The following ATP12A variants were observed in gnomAD, a reference collection of about 807,000 sequenced individuals.
The protein encoded by ATP12A is potassium-transporting ATPase alpha chain 2.
In ATP12A, 81 loss-of-function variants were observed where a neutral mutation model predicts 111.2. The observed-to-expected ratio is 0.73, with a 90% CI of 0.61 to 0.88. The LOEUF is 0.88. Among genes scored for constraint, ATP12A ranks in the 40% least tolerant of loss-of-function variants. The pLI is 0.00. For missense variants in ATP12A, 1,196 were observed against 1,313.1 expected (o/e 0.91, Z 1.38); for synonymous variants, 498 against 499.8 (o/e 1.00, Z 0.05).
intron 11 of ATP12A, among the ~76,000 whole-genome samples, chr13:24,698,165 T>C (rs1875244758): frequency 6.6e-6 from 1 of 152,138 alleles, no homozygotes; most frequent in African/African-American, 2.4e-5. Context: ...AAGTGTCCAC[T>C]TCCTCACACC....
chr13:24,690,344 C>T lies in ATP12A; in HGVS notation c.553C>T (p.Leu185Phe). Residue 185 changes from leucine (L) to phenylalanine (F), a missense_variant, in exon 6 of 23, where the codon CTC becomes TTC. Physicochemically the swap from Leu to Phe is conservative, Grantham distance 22 (BLOSUM62 0). Coordinates refer to ENST00000381946, the MANE Select transcript of ATP12A (RefSeq NM_001676.7). Reference protein sequence around the residue: ...SFNKMIPQQALVIRDSEKKTI... With the variant: ...SFNKMIPQQAFVIRDSEKKTI... ...TCATGGTTTTTTTCTGCAGCAAGCTCTCGTCATCCGAGATTCCGAGAAGAA... is the reference window on the plus strand; with the variant it reads ...TCATGGTTTTTTTCTGCAGCAAGCTTTCGTCATCCGAGATTCCGAGAAGAA... The T allele has an allele frequency of 6.2e-7, 1 of 1,612,812 alleles. No individual in the cohort carries two copies. The highest frequency in any genetic ancestry group is 8.5e-7 in the Non-Finnish European group (1 of 1,179,780).
intron 19 of ATP12A, among the ~76,000 whole-genome samples, chr13:24,710,084 C>A (rs1196340161): frequency 2.0e-5 from 3 of 152,170 alleles, no homozygotes; most frequent in Non-Finnish European, 4.4e-5. Flanking sequence ...ACCAGCCCAG[C>A]CACACCCACA....
At chr13:24,706,891 T>C (rs951201145) in intron 15 of ATP12A, 132 bp from the exon 16 acceptor site, 5 of 998,346 alleles carry the variant, frequency 5.0e-6, no homozygotes, top group Non-Finnish European at 7.1e-6. Flanking sequence ...TCTTTTCCCC[T>C]AAATGGGCCT....
chr13:24,692,746 G>A, intron 9 of ATP12A, 41 bp from the exon 10 acceptor site: 5 of 1,608,368 alleles, frequency 3.1e-6, no homozygotes, highest in Non-Finnish European at 3.4e-6. Flanking sequence ...TGGACGGCCA[G>A]CCCAACCCAC....
At chr13:24,705,018 G>GT (rs1465850886) in intron 14 of ATP12A, among the ~76,000 whole-genome samples, 8 of 151,916 alleles carry the variant, frequency 5.3e-5, no homozygotes, top group Non-Finnish European at 1.2e-4. Flanking sequence ...GTTTTGTTTT[G>GT]TTTTTTTGCC....
chr13:24,707,925 C>T (rs1471896278), intron 17 of ATP12A, among the ~76,000 whole-genome samples: 1 of 151,946 alleles, frequency 6.6e-6, no homozygotes, highest in Admixed American at 6.6e-5. Context: ...GCTGGGATTA[C>T]AGGCATGAGT....
intron 17 of ATP12A, among the ~76,000 whole-genome samples, chr13:24,709,153 C>G (rs577634057): frequency 2.0e-4 from 30 of 152,064 alleles, no homozygotes; most frequent in African/African-American, 6.7e-4. Context: ...GAACTGCCAG[C>G]ACAGGGTGAT....
In ATP12A at chr13:24,694,516, G is replaced by A; in HGVS notation, c.1450G>A (p.Glu484Lys). The change falls in exon 11 of 23, where the codon GAA becomes AAA. Residue 484 changes from glutamate (E) to lysine (K), a missense_variant. Physicochemically the swap from Glu to Lys is moderately conservative, Grantham distance 56. Around this residue, in one of 3 missense-constraint regions of ATP12A, gnomAD observed 1,126 missense variants for 1,228.5 expected, o/e 0.92. Transcript: ENST00000381946. ...FSEVILGDVM[E>K]IRKRNRKVAE... The stretch of plus-strand genomic sequence containing the variant: ...AGAGGTCATTTTGGGTGATGTGATG[G>A]AAATTAGAAAAAGAAACCGCAAAGT... 6.2e-7 allele frequency: 1 copy of A among 1,614,120 alleles called. No individual in the cohort carries two copies. The highest frequency in any genetic ancestry group is 2.2e-5 in the East Asian group (1 of 44,888).
In ATP12A at chr13:24,691,131, A is replaced by G. The variant is rs1162296026; in HGVS notation, c.949A>G (p.Ile317Val). ...VHIVAGVAVS[I>V]GILFFIIAVS... Reference sequence around the variant, plus strand: ...CATTGTGGCAGGAGTGGCTGTCTCCATCGGCATCCTTTTCTTCATCATCGC... The same window carrying G: ...CATTGTGGCAGGAGTGGCTGTCTCCGTCGGCATCCTTTTCTTCATCATCGC... The change falls in exon 8 of 23, where the codon ATC becomes GTC. Residue 317 changes from isoleucine to valine, a missense_variant. Ile to Val is a conservative substitution (Grantham distance 29). Transcript: ENST00000381946. The G allele has an allele frequency of 6.2e-7, 1 of 1,614,182 alleles. No individual in the cohort carries two copies. The highest frequency in any genetic ancestry group is 1.1e-5 in the South Asian group (1 of 91,080).
At chr13:24,688,259 G>C (rs1874739943) in intron 3 of ATP12A, 60 bp from the exon 4 acceptor site, 1 of 1,532,816 alleles carries the variant, frequency 6.5e-7, no homozygotes, top group Non-Finnish European at 8.8e-7. Context: ...CCCTGAGGGA[G>C]GAGGAATGTC....
rs1196892420 is a variant in ATP12A, at chr13:24,688,369, C to T, written c.279C>T (p.Asn93=). 1 of 1,614,136 alleles carries T rather than the reference C, an allele frequency of 6.2e-7. No individual in the cohort carries two copies. Among genetic ancestry groups the T allele is most frequent in the Middle Eastern group, 1.7e-4 (1 of 6,058 alleles). The change falls in exon 4 of 23, where the codon AAC becomes AAT. Residue 93 remains asparagine (N), a synonymous_variant. Coordinates refer to ENST00000381946, the MANE Select transcript of ATP12A (RefSeq NM_001676.7). Reference sequence around the variant, plus strand: ...AGCTCCTGGCCCGGGATGGGCCCAACTCCCTCACCCCTCCCAAGCAGACGC... The same window carrying T: ...AGCTCCTGGCCCGGGATGGGCCCAATTCCCTCACCCCTCCCAAGCAGACGC... The part of the protein sequence containing the change: ...AAELLARDGP[N]SLTPPKQTPE...
In ATP12A at chr13:24,695,572, G is replaced by A. The variant is rs553792865; in HGVS notation, c.1512+994G>A. 2.8e-4 allele frequency among the ~76,000 whole-genome samples: 42 copies of A among 150,086 alleles called. No homozygotes were observed. In the East Asian group the frequency reaches 7.0e-3, roughly 25 times the overall value. On this transcript the variant is annotated intron_variant, in intron 11 of 22. Coordinates refer to ENST00000381946, the MANE Select transcript of ATP12A (RefSeq NM_001676.7). The stretch of plus-strand genomic sequence containing the variant: ...GGTGATTATCCACCTGTCTTAGTTC[G>A]GATGGAATTTAGGGTTAGGGAAGAA...
At position 24,688,539 on chromosome 13, in the gene ATP12A, T is replaced by C; in HGVS notation, c.432+17T>C. Reference sequence around the variant, plus strand: ...CTGAACAACGTAAGGCTCTGGGGTGTCCCCTCCTGGTTTTGCTGGCAGAGC... The same window carrying C: ...CTGAACAACGTAAGGCTCTGGGGTGCCCCCTCCTGGTTTTGCTGGCAGAGC... On this transcript the variant is annotated intron_variant, in intron 4 of 22. Transcript: ENST00000381946. The C allele has an allele frequency of 1.3e-6, 2 of 1,498,922 alleles. No individual in the cohort carries two copies. The highest frequency in any genetic ancestry group is 1.8e-6 in the Non-Finnish European group (2 of 1,119,096). 92.9% of individuals were successfully genotyped at this position (1,498,922 alleles called of 1,614,324 possible).
chr13:24,680,740 C>T lies in ATP12A; in HGVS notation c.-4C>T. The T allele has an allele frequency of 6.7e-7, 1 of 1,503,526 alleles. No individual in the cohort carries two copies. The highest frequency in any genetic ancestry group is 1.2e-5 in the South Asian group (1 of 80,998). 93.1% of individuals were successfully genotyped at this position (1,503,526 alleles called of 1,614,324 possible). A position where few individuals can be genotyped will look rare whatever the true frequency, so the allele number is the denominator to read the frequency against. On this transcript the variant is annotated 5_prime_UTR_variant, in exon 1 of 23. Coordinates refer to ENST00000381946, the MANE Select transcript of ATP12A (RefSeq NM_001676.7). Reference sequence around the variant, plus strand: ...CCCGCAGCCCGCGGCGCCACCAGCCCAGCATGCACCAGGTGCGTGCAGCCC... The same window carrying T: ...CCCGCAGCCCGCGGCGCCACCAGCCTAGCATGCACCAGGTGCGTGCAGCCC...
At chr13:24,693,565 A>T (rs1404425659) in intron 10 of ATP12A, among the ~76,000 whole-genome samples, 1 of 152,118 alleles carries the variant, frequency 6.6e-6, no homozygotes, top group Non-Finnish European at 1.5e-5. Context: ...GTCCAGCTCT[A>T]ATTTCTTACC....
intron 12 of ATP12A, 34 bp downstream of exon 12, chr13:24,698,884 G>T (rs1474433221): frequency 6.2e-6 from 10 of 1,607,776 alleles, no homozygotes; most frequent in Non-Finnish European, 8.5e-6. Flanking sequence ...CCCATCACCT[G>T]GTGGGCACAG....
chr13:24,682,996 GC>G lies in ATP12A; in HGVS notation c.168+1279del, dbSNP rs1874538220. ...TTTGAGACAGAGTTTCGCTCTTGTT[GC>G]CCAGGCTGGAGTGCAATGGCGCTAT... On this transcript the variant is annotated intron_variant, in intron 2 of 22. Transcript: ENST00000381946. 2.1e-5 allele frequency among the ~76,000 whole-genome samples: 3 copies of G among 139,734 alleles called. No individual in the cohort carries two copies. The South Asian group carries it at 7.2e-4, about 33-fold the overall frequency. 91.7% of individuals were successfully genotyped at this position (139,734 alleles called of 152,430 possible).
intron 5 of ATP12A, 106 bp downstream of exon 5, chr13:24,689,481 C>A: frequency 1.1e-6 from 1 of 922,728 alleles, no homozygotes; most frequent in Non-Finnish European, 1.7e-6. Context: ...CACTTCCTTC[C>A]CTGTCGGAGC....
intron 20 of ATP12A, 82 bp from the exon 21 acceptor site, chr13:24,710,710 T>A: frequency 6.2e-7 from 1 of 1,600,232 alleles, no homozygotes; most frequent in Non-Finnish European, 8.6e-7. Context: ...AGGCATTGAT[T>A]TTTCTGGTGG....
Sources: allele counts gnomAD v4.1 joint callset (sites outside exome capture counted in the v4.1 genomes callset), GRCh38; gene constraint gnomAD v4.1.1; regional missense constraint gnomAD v4.1.1; transcripts MANE v1.5; gene names NCBI Gene and HGNC (gene_info 2026-07-23, HGNC 2026-07-21).